Variants in CPA5 observed in about 807,000 individuals in gnomAD.
CPA5 encodes testicular tissue protein Li 32.
CPA5 carries 38 observed loss-of-function variants against 52.2 expected under a neutral mutation model. That is an observed-to-expected ratio of 0.73 (90% CI 0.56 to 0.95). The LOEUF (loss-of-function observed/expected upper bound fraction) is 0.95, where lower values mean the gene tolerates loss of function less well. CPA5 is among the 40% of genes least tolerant of loss of function. The pLI, the probability that CPA5 is intolerant of heterozygous loss-of-function variation, is 0.00. For missense variants in CPA5, 519 were observed against 566.7 expected, an observed-to-expected ratio of 0.92 and a Z score of 0.86; for synonymous variants, 198 against 213.7, an observed-to-expected ratio of 0.93 and a Z score of 0.64.
At chr7:130,354,133 G>T (rs1181809544) in intron 5 of CPA5, among the ~76,000 whole-genome samples, 2 of 152,008 alleles carry the variant, frequency 1.3e-5, no homozygotes, top group African/African-American at 4.8e-5. Context: ...TGATTATGTT[G>T]CCCAGGCTGC....
intron 5 of CPA5, among the ~76,000 whole-genome samples, chr7:130,352,888 A>T (rs1368786585): frequency 1.3e-5 from 2 of 151,116 alleles, no homozygotes; most frequent in Non-Finnish European, 2.9e-5. Context: ...GAAAAACTTC[A>T]CTTGAGCAAT....
At chr7:130,373,931 G>A in the CPA5 span, among the ~76,000 whole-genome samples, 2 of 152,232 alleles carry the variant, frequency 1.3e-5, no homozygotes, top group African/African-American at 2.4e-5. Context: ...CAAGTACGTG[G>A]GGTAGGAGAA....
intron 10 of CPA5, among the ~76,000 whole-genome samples, chr7:130,364,118 C>T (rs1554407590): frequency 6.6e-6 from 1 of 152,170 alleles, no homozygotes; most frequent in Non-Finnish European, 1.5e-5. Flanking sequence ...GCCTTGACCT[C>T]CTGGGCTCAG....
At chr7:130,355,396 G>GGTGT (rs147556341) in intron 5 of CPA5, among the ~76,000 whole-genome samples, 111 of 149,268 alleles carry the variant, frequency 7.4e-4, no homozygotes, top group Admixed American at 1.9e-3. Context: ...TGAGAACATT[G>GGTGT]GTGTGTGTGT....
intron 5 of CPA5, among the ~76,000 whole-genome samples, chr7:130,351,132 A>G (rs1407077718): frequency 6.6e-6 from 1 of 152,168 alleles, no homozygotes; most frequent in Non-Finnish European, 1.5e-5. Flanking sequence ...GGTCCTTTCA[A>G]AGACCTTTAT....
intron 10 of CPA5, 109 bp from the exon 11 acceptor site, chr7:130,367,263 T>C: frequency 1.1e-6 from 1 of 909,530 alleles, no homozygotes; most frequent in East Asian, 2.6e-5. Context: ...ACCTCAGTCA[T>C]ACTGCAAAGG....
At chr7:130,366,872 A>G (rs1355646811) in intron 10 of CPA5, among the ~76,000 whole-genome samples, 1 of 152,204 alleles carries the variant, frequency 6.6e-6, no homozygotes, top group Non-Finnish European at 1.5e-5. Context: ...CCACCTTCCT[A>G]AAGGGACCAC....
At chr7:130,347,082 C>A (rs1472328998) in intron 3 of CPA5, among the ~76,000 whole-genome samples, 2 of 152,152 alleles carry the variant, frequency 1.3e-5, no homozygotes, top group Non-Finnish European at 2.9e-5. Flanking sequence ...CAGGTGGATG[C>A]CCCACAGTGC....
chr7:130,355,488 C>T (rs1478567338), intron 5 of CPA5, among the ~76,000 whole-genome samples: 1 of 152,154 alleles, frequency 6.6e-6, no homozygotes, highest in Non-Finnish European at 1.5e-5. Context: ...CTAACTGCAA[C>T]CTCCGCCTCC....
At chr7:130,351,319 C>T (rs1355773120) in intron 5 of CPA5, among the ~76,000 whole-genome samples, 1 of 152,198 alleles carries the variant, frequency 6.6e-6, no homozygotes, top group Non-Finnish European at 1.5e-5. Context: ...TTTCCATTTC[C>T]CTGGTTCAGC....
intron 10 of CPA5, among the ~76,000 whole-genome samples, chr7:130,366,568 T>C (rs1796099157): frequency 6.6e-6 from 1 of 152,188 alleles, no homozygotes; most frequent in Non-Finnish European, 1.5e-5. Flanking sequence ...TCCCTCATCT[T>C]AAGTCCCCAA....
chr7:130,355,558 C>T (rs1466911714), intron 5 of CPA5, among the ~76,000 whole-genome samples: 2 of 152,118 alleles, frequency 1.3e-5, no homozygotes, highest in Non-Finnish European at 2.9e-5. Flanking sequence ...AGGCGCGCGC[C>T]ACCACGCCTG....
At chr7:130,346,622 G>T (rs1554402278) in intron 3 of CPA5, 21 bp downstream of exon 3, 3 of 1,595,258 alleles carry the variant, frequency 1.9e-6, no homozygotes, top group Admixed American at 3.3e-5. Flanking sequence ...GCTCCACAGT[G>T]GGAGGGAGGA....
Position 130,346,495 on chromosome 7 carries a change from A to T in CPA5, c.10A>T (p.Thr4Ser). The change falls in exon 3 of 13, where the codon ACC becomes TCC. Residue 4 changes from threonine to serine, a missense_variant. Transcript: ENST00000474905. MQG[T>S]PGGGTRPGPS... ...ACCAGGAGGAAGAAGCATGCAGGGC[A>T]CCCCTGGAGGCGGGACGCGCCCTGG... 3 of 1,612,008 alleles carry T rather than the reference A, an allele frequency of 1.9e-6. No individual in the cohort carries two copies. The South Asian group carries it at 3.3e-5, about 18-fold the overall frequency.
chr7:130,347,728 C>T lies in CPA5; in HGVS notation c.117-38C>T, dbSNP rs781989089. On this transcript the variant is annotated intron_variant, in intron 3 of 12. Coordinates refer to ENST00000474905, the MANE Select transcript of CPA5 (RefSeq NM_080385.5). ...GTGACACAGCCTTCCAGGGATCCTT[C>T]TCCGCAGCTTCCTCCGCCCCTCCCT... The T allele has an allele frequency of 9.6e-6, 15 of 1,561,352 alleles. No individual in the cohort carries two copies. The Admixed American group carries it at 1.5e-4, about 16-fold the overall frequency.
At chr7:130,360,170 T>C (rs1795715197) in intron 6 of CPA5, among the ~76,000 whole-genome samples, 1 of 152,272 alleles carries the variant, frequency 6.6e-6, no homozygotes, top group Non-Finnish European at 1.5e-5. Flanking sequence ...AATAAACTTG[T>C]CCTTGACTGT....
chr7:130,347,609 T>C (rs1794848438), intron 3 of CPA5, among the ~76,000 whole-genome samples, 157 bp from the exon 4 acceptor site: 1 of 152,176 alleles, frequency 6.6e-6, no homozygotes, highest in South Asian at 2.1e-4. Flanking sequence ...GAGTCCTGCC[T>C]GCTCAGGGCT....
chr7:130,359,548 G>C (rs1315139817), intron 5 of CPA5, 41 bp from the exon 6 acceptor site: 2 of 1,469,838 alleles, frequency 1.4e-6, no homozygotes, highest in Non-Finnish European at 1.9e-6. Flanking sequence ...AGCCAGCCCA[G>C]CTCTCCCCTT....
At chr7:130,370,595 T>C (rs1554409800), downstream of CPA5, among the ~76,000 whole-genome samples, 2 of 152,180 alleles carry the variant, frequency 1.3e-5, no homozygotes, top group African/African-American at 2.4e-5. Context: ...AAAGCAAGGT[T>C]CGGAGATGTT....
Sources: gnomAD v4.1 joint callset for allele counts (sites outside exome capture counted in the v4.1 genomes callset) on GRCh38, gnomAD v4.1.1 for gene constraint, MANE v1.5 for transcripts, NCBI Gene and HGNC (gene_info 2026-07-23, HGNC 2026-07-21) for gene names.